The following LIPI variants were observed in gnomAD, a reference collection of about 807,000 sequenced individuals.
The protein encoded by LIPI is lipase member I.
LIPI carries 59 observed loss-of-function variants against 50.6 expected under a neutral mutation model. That is an observed-to-expected ratio of 1.16 (90% CI 0.94 to 1.45). The LOEUF (loss-of-function observed/expected upper bound fraction) is 1.45, where lower values mean the gene tolerates loss of function less well. Among genes scored for constraint, LIPI ranks in the 40% most tolerant of loss-of-function variants. The probability of loss-of-function intolerance (pLI) is 0.00; values close to 1 mark genes in which losing one functional copy is unlikely to be tolerated. For synonymous variants in LIPI, 203 were observed against 178.2 expected (o/e 1.14, Z -1.11); for missense variants, 586 against 536.3 (o/e 1.09, Z -0.92).
chr21:14,115,646 C>A (rs1019105093), intron 9 of LIPI, among the ~76,000 whole-genome samples: 1 of 152,122 alleles, frequency 6.6e-6, no homozygotes, highest in East Asian at 1.9e-4. Flanking sequence ...AGTAACACAG[C>A]CCAGAAGGAG....
chr21:14,175,638 A>T (rs1324876334), intron 4 of LIPI, among the ~76,000 whole-genome samples: 1 of 152,192 alleles, frequency 6.6e-6, no homozygotes, highest in East Asian at 1.9e-4. Flanking sequence ...AGGCTTTAAA[A>T]ATAATAGCTC....
intron 8 of LIPI, among the ~76,000 whole-genome samples, chr21:14,147,882 C>A (rs1296514463): frequency 1.3e-5 from 2 of 152,086 alleles, no homozygotes; most frequent in Non-Finnish European, 2.9e-5. Flanking sequence ...GATTTGGATC[C>A]AGGCTCATGT....
At chr21:14,201,063 A>T (rs546112288) in intron 1 of LIPI, among the ~76,000 whole-genome samples, 2 of 152,280 alleles carry the variant, frequency 1.3e-5, no homozygotes, top group East Asian at 1.9e-4. Flanking sequence ...CCATATGAAG[A>T]AGATTGAAAC....
chr21:14,210,908 T>C lies in LIPI; in HGVS notation c.-63A>G. On this transcript the variant is annotated 5_prime_UTR_variant, in exon 1 of 10. Coordinates refer to ENST00000681601, the MANE Select transcript of LIPI (RefSeq NM_001302998.2). ...CCAAAAAGGAAATTCCGTAACTCATTGAGGTTTCTCTTTGGTAGGATCATC... is the reference window on the plus strand; with the variant it reads ...CCAAAAAGGAAATTCCGTAACTCATCGAGGTTTCTCTTTGGTAGGATCATC... The C allele has an allele frequency of 2.6e-6, 3 of 1,153,468 alleles. No individual in the cohort carries two copies. The South Asian group carries it at 5.4e-5, about 21-fold the overall frequency. The allele number at this position is 1,153,468 out of a possible 1,614,324, so 71.5% of individuals were successfully genotyped here. A position where few individuals can be genotyped will look rare whatever the true frequency, so the allele number is the denominator to read the frequency against.
rs2017739885 is a variant in LIPI at position 14,142,295 on chromosome 21, C to CA, written c.1295+2327dup. Among the ~76,000 whole-genome samples, 22 of 151,346 alleles carry CA rather than the reference C, an allele frequency of 1.5e-4. 1 individual carries two copies. The South Asian group carries it at 4.6e-3, about 32-fold the overall frequency. Reference sequence around the variant, plus strand: ...ACCTGCACATTCTGCACATGTATCCCAAAACTTAAAGTATAATTAAAAAAT... The same window carrying CA: ...ACCTGCACATTCTGCACATGTATCCCAAAAACTTAAAGTATAATTAAAAAAT... On this transcript the variant is annotated intron_variant, in intron 9 of 9. Coordinates refer to ENST00000681601, the MANE Select transcript of LIPI (RefSeq NM_001302998.2).
chr21:14,186,797 T>C (rs1181918235), intron 2 of LIPI, among the ~76,000 whole-genome samples: 2 of 152,214 alleles, frequency 1.3e-5, no homozygotes, highest in Non-Finnish European at 2.9e-5. Flanking sequence ...TCTTCCACCA[T>C]GTGAGGACAC....
chr21:14,125,325 T>G (rs1271992808), intron 9 of LIPI, among the ~76,000 whole-genome samples: 1 of 152,208 alleles, frequency 6.6e-6, no homozygotes, highest in Non-Finnish European at 1.5e-5. Flanking sequence ...TCATCTTCTA[T>G]GTGAAGTGGT....
chr21:14,206,912 T>C, intron 1 of LIPI: 1 of 1,605,608 alleles, frequency 6.2e-7, no homozygotes, highest in Non-Finnish European at 8.5e-7. Flanking sequence ...TATGTAAACA[T>C]TTGAGCAACA....
chr21:14,201,446 A>T (rs2020048985), intron 1 of LIPI, among the ~76,000 whole-genome samples: 1 of 151,926 alleles, frequency 6.6e-6, no homozygotes, highest in African/African-American at 2.4e-5. Flanking sequence ...TCCATTAAAT[A>T]GTGGGCAAAT....
chr21:14,124,084 A>G (rs1269490921), intron 9 of LIPI, among the ~76,000 whole-genome samples: 1 of 152,154 alleles, frequency 6.6e-6, no homozygotes, highest in Non-Finnish European at 1.5e-5. Context: ...TTGGTTTTGT[A>G]GCTATAATTG....
chr21:14,144,598 T>G (rs368022524), intron 9 of LIPI, 25 bp downstream of exon 9: 13 of 1,294,770 alleles, frequency 1.0e-5, no homozygotes, highest in East Asian at 9.3e-5. Context: ...GATAACATGT[T>G]GAAATCAAAA....
chr21:14,151,074 C>A (rs887678614), intron 8 of LIPI, among the ~76,000 whole-genome samples: 1 of 152,056 alleles, frequency 6.6e-6, no homozygotes, highest in Non-Finnish European at 1.5e-5. Flanking sequence ...ATCATGGCAT[C>A]CCTTGATGGA....
At chr21:14,156,006 T>C (rs2018257484) in intron 7 of LIPI, among the ~76,000 whole-genome samples, 1 of 151,984 alleles carries the variant, frequency 6.6e-6, no homozygotes, top group African/African-American at 2.4e-5. Flanking sequence ...ATCATGATAA[T>C]TAAATGTGGG....
At chr21:14,117,001 C>T (rs1215883686) in intron 9 of LIPI, among the ~76,000 whole-genome samples, 1 of 152,126 alleles carries the variant, frequency 6.6e-6, no homozygotes, top group Non-Finnish European at 1.5e-5. Flanking sequence ...GGGTTGGACT[C>T]AGAGGAGAGT....
Position 14,186,008 on chromosome 21 carries a change from C to T in LIPI, c.494G>A (p.Ser165Asn). The change falls in exon 3 of 10, where the codon AGT becomes AAT. Residue 165 changes from serine (S) to asparagine (N), a missense_variant. Transcript: ENST00000681601. ...FIGVSLGAHI[S>N]GFVGKIFHGQ... The stretch of plus-strand genomic sequence containing the variant: ...ATGAAATATCTTTCCAACAAATCCA[C>T]TGATATGAGCCCCTAAGCTCACACC... 1 of 1,605,618 alleles carries T rather than the reference C, an allele frequency of 6.2e-7. No homozygotes were observed. The highest frequency in any genetic ancestry group is 8.5e-7 in the Non-Finnish European group (1 of 1,172,592).
intron 9 of LIPI, among the ~76,000 whole-genome samples, chr21:14,116,667 G>C (rs1398464279): frequency 6.6e-6 from 1 of 152,130 alleles, no homozygotes; most frequent in African/African-American, 2.4e-5. Flanking sequence ...AGTGTTTTGG[G>C]TGGTCACTGG....
At chr21:14,167,824 G>A (rs1423970784) in intron 4 of LIPI, among the ~76,000 whole-genome samples, 2 of 152,188 alleles carry the variant, frequency 1.3e-5, no homozygotes, top group Non-Finnish European at 2.9e-5. Flanking sequence ...TCCTCCAAAG[G>A]AATGCAGTTC....
intron 9 of LIPI, among the ~76,000 whole-genome samples, chr21:14,118,754 G>A (rs1483176511): frequency 6.6e-6 from 1 of 152,194 alleles, no homozygotes; most frequent in Non-Finnish European, 1.5e-5. Flanking sequence ...AGTGAATCAA[G>A]CACCTGTCAT....
chr21:14,205,777 A>G (rs953795249), intron 1 of LIPI, among the ~76,000 whole-genome samples: 2 of 152,126 alleles, frequency 1.3e-5, no homozygotes, highest in Non-Finnish European at 2.9e-5. Flanking sequence ...AATTGCCAAA[A>G]TGAATGGTAT....
Sources: allele counts gnomAD v4.1 joint callset (sites outside exome capture counted in the v4.1 genomes callset), GRCh38; gene constraint gnomAD v4.1.1; transcripts MANE v1.5; gene names NCBI Gene and HGNC (gene_info 2026-07-23, HGNC 2026-07-21).